Variants in TENM2 observed in about 807,000 individuals in gnomAD.
TENM2 encodes teneurin transmembrane protein 2.
Under a neutral mutation model 245.2 loss-of-function variants are expected in TENM2, and 52 were observed. That is an observed-to-expected ratio of 0.21 (90% CI 0.17 to 0.27). The LOEUF (loss-of-function observed/expected upper bound fraction) is 0.27. Among genes scored for constraint, TENM2 ranks in the 10% least tolerant of loss-of-function variants. The probability of loss-of-function intolerance (pLI) is 1.00; values close to 1 mark genes in which losing one functional copy is unlikely to be tolerated. For synonymous variants in TENM2, 1,363 were observed against 1,438.9 expected (o/e 0.95, Z 1.19); for missense variants, 3,046 against 3,666.8 (o/e 0.83, Z 4.37).
intron 2 of TENM2, among the ~76,000 whole-genome samples, chr5:167,621,146 G>A (rs1257082454): frequency 6.6e-6 from 1 of 152,110 alleles, no homozygotes; most frequent in Non-Finnish European, 1.5e-5. Context: ...TCGGAGCAAA[G>A]TCTACAACAT....
intron 5 of TENM2, among the ~76,000 whole-genome samples, chr5:168,026,364 G>A (rs1431220950): frequency 6.6e-6 from 1 of 152,176 alleles, no homozygotes; most frequent in Non-Finnish European, 1.5e-5. Flanking sequence ...ACTCTGGAGG[G>A]TGAAGTTAGG....
chr5:168,087,625 AAG>A (rs1313111345), intron 7 of TENM2, among the ~76,000 whole-genome samples: 2 of 151,824 alleles, frequency 1.3e-5, no homozygotes, highest in Admixed American at 6.6e-5. Flanking sequence ...AAAAAAAAGA[AAG>A]AAAGAAATGA....
At chr5:167,534,917 A>G (rs569987544) in intron 2 of TENM2, among the ~76,000 whole-genome samples, 3 of 152,226 alleles carry the variant, frequency 2.0e-5, no homozygotes, top group Admixed American at 6.5e-5. Flanking sequence ...TTTCTCCTTA[A>G]CATGATTCCT....
At chr5:167,355,647 T>C (rs1759261902) in intron 1 of TENM2, among the ~76,000 whole-genome samples, 1 of 152,052 alleles carries the variant, frequency 6.6e-6, no homozygotes, top group South Asian at 2.1e-4. Flanking sequence ...GCAAAGCTAT[T>C]TTAATAAGGG....
In TENM2 at chr5:168,237,880, T is replaced by C. The variant is rs183459430; in HGVS notation, c.5521-6540T>C. 3.7e-3 allele frequency among the ~76,000 whole-genome samples: 562 copies of C among 151,940 alleles called. 4 individuals carry two copies. The highest frequency in any genetic ancestry group is 0.012 in the African/African-American group (497 of 41,480). On this transcript the variant is annotated intron_variant, in intron 25 of 28. Coordinates refer to ENST00000518659, the Ensembl canonical transcript of TENM2. Reference sequence around the variant, plus strand: ...ATCCCAGGCCGGGCGCGGTGGCTCATGCCTGTAATCCCAGCACTTTGAGAG... The same window carrying C: ...ATCCCAGGCCGGGCGCGGTGGCTCACGCCTGTAATCCCAGCACTTTGAGAG...
intron 4 of TENM2, among the ~76,000 whole-genome samples, chr5:167,991,319 C>T (rs1783648872): frequency 6.6e-6 from 1 of 152,136 alleles, no homozygotes; most frequent in South Asian, 2.1e-4. Flanking sequence ...TCACTAAAAT[C>T]CCCCTCTGCA....
chr5:167,353,689 A>G (rs1047590112), intron 1 of TENM2, among the ~76,000 whole-genome samples: 2 of 151,080 alleles, frequency 1.3e-5, no homozygotes, highest in East Asian at 2.0e-4. Context: ...TTGTATTTTT[A>G]GTAGAGACGG....
chr5:168,159,558 A>G (rs1757555188), intron 12 of TENM2, among the ~76,000 whole-genome samples: 1 of 152,176 alleles, frequency 6.6e-6, no homozygotes, highest in African/African-American at 2.4e-5. Flanking sequence ...GCACTTTACA[A>G]ACACAAAGGA....
chr5:167,926,718 CCACACA>C (rs750351497), intron 3 of TENM2, among the ~76,000 whole-genome samples: 7,371 of 136,740 alleles, frequency 0.054, 222 homozygotes, highest in South Asian at 0.099. Flanking sequence ...TGAGATTCCA[CCACACA>C]CACACACACA....
intron 2 of TENM2, among the ~76,000 whole-genome samples, chr5:167,585,999 C>A (rs1309414141): frequency 1.3e-5 from 2 of 152,104 alleles, no homozygotes; most frequent in Admixed American, 1.3e-4. Flanking sequence ...GTGACATACA[C>A]CTGTAGTCCC....
At chr5:167,876,311 A>G in intron 3 of TENM2, 116 bp downstream of exon 5, 1 of 850,814 alleles carries the variant, frequency 1.2e-6, no homozygotes, top group East Asian at 2.7e-5. Flanking sequence ...GGGGAGCATC[A>G]GGGTGAAATG....
chr5:167,683,534 T>C (rs975462844), intron 2 of TENM2, among the ~76,000 whole-genome samples: 17 of 152,344 alleles, frequency 1.1e-4, no homozygotes, highest in African/African-American at 4.1e-4. Context: ...CAAAAGCTAC[T>C]GATAATTGGG....
chr5:167,660,294 C>G (rs10434683), intron 2 of TENM2: 1 of 151,450 alleles, frequency 6.6e-6, no homozygotes, highest in Non-Finnish European at 1.5e-5. Context: ...AACCCCGTCT[C>G]TACTAAAAAT....
intron 7 of TENM2, among the ~76,000 whole-genome samples, chr5:168,084,784 C>A (rs558830836): frequency 1.3e-5 from 2 of 152,332 alleles, no homozygotes; most frequent in African/African-American, 2.4e-5. Context: ...CAACACCCAG[C>A]AAAGCCATCC....
intron 2 of TENM2, among the ~76,000 whole-genome samples, chr5:167,636,361 T>C (rs927210288): frequency 2.6e-5 from 4 of 152,214 alleles, no homozygotes; most frequent in African/African-American, 9.6e-5. Flanking sequence ...AGAATATAAA[T>C]TGGTGAGTGG....
In TENM2 at chr5:168,247,696, C is replaced by T. The variant is rs751297777; in HGVS notation, c.6757C>T (p.Arg2253Trp). The T allele has an allele frequency of 9.9e-6, 16 of 1,613,724 alleles. No homozygotes were observed. Among genetic ancestry groups the T allele is most frequent in the South Asian group, 2.2e-5 (2 of 91,092 alleles). Reference sequence around the variant, plus strand: ...GCCCTTGCGCTATGACCTCCGGGATCGGATAACCAGACTCGGGGATGTGCA... The same window carrying T: ...GCCCTTGCGCTATGACCTCCGGGATTGGATAACCAGACTCGGGGATGTGCA... Residue 2253 changes from arginine to tryptophan, a missense_variant, in exon 27 of 29, where the codon CGG (arginine) becomes TGG (tryptophan). Physicochemically the swap from Arg to Trp is moderately radical, Grantham distance 101 (BLOSUM62 -3). This residue lies in a region of TENM2 where 2,704 missense variants were observed against 3,331.9 expected (regional missense o/e 0.81). Coordinates refer to ENST00000518659, the Ensembl canonical transcript of TENM2. This position sits in a 1 kb window ranked among gnomAD's most constrained non-coding sequence, Gnocchi z 7.8.
chr5:167,941,994 G>A (rs1446382105), intron 3 of TENM2, among the ~76,000 whole-genome samples: 1 of 152,152 alleles, frequency 6.6e-6, no homozygotes, highest in Admixed American at 6.5e-5. Flanking sequence ...GATCACCTGA[G>A]GTCAGGAGTT....
At chr5:167,728,359 T>C (rs1219824627) in intron 2 of TENM2, among the ~76,000 whole-genome samples, 2 of 148,904 alleles carry the variant, frequency 1.3e-5, no homozygotes, top group African/African-American at 4.9e-5. Context: ...TCCCAGCACT[T>C]TGGGCGTCTG....
chr5:167,172,171 A>C, the TENM2 span, among the ~76,000 whole-genome samples: 1 of 152,190 alleles, frequency 6.6e-6, no homozygotes, highest in Admixed American at 6.5e-5. Context: ...ACAGTAACCC[A>C]ACAAATGAGA....
Sources: gnomAD v4.1 joint callset for allele counts (sites outside exome capture counted in the v4.1 genomes callset) on GRCh38, gnomAD v4.1.1 for gene constraint, gnomAD v4.1.1 regional missense constraint, Gnocchi (gnomAD v3.1) non-coding constraint, MANE v1.5 for transcripts, NCBI Gene and HGNC (gene_info 2026-07-23, HGNC 2026-07-21) for gene names.